COMMD1: variants seen among roughly 807,000 people sequenced by gnomAD.
COMMD1 encodes the protein COMM domain-containing protein 1.
A neutral mutation model predicts 17.2 loss-of-function variants in COMMD1; 10 were observed. That is an observed-to-expected ratio of 0.58 (90% CI 0.36 to 0.99). The LOEUF is 0.99. COMMD1 is among the 50% of genes least tolerant of loss of function. The pLI, the probability that COMMD1 is intolerant of heterozygous loss-of-function variation, is 0.01. For synonymous variants in COMMD1, 97 were observed against 91.6 expected, an observed-to-expected ratio of 1.06 and a Z score of -0.34; for missense variants, 270 against 231.8, an observed-to-expected ratio of 1.17 and a Z score of -1.07.
At chr2:62,012,270 TACACACACACACACACACACACACACAC>T (rs57739132) in intron 2 of COMMD1, among the ~76,000 whole-genome samples, 1 of 129,896 alleles carries the variant, frequency 7.7e-6, no homozygotes, top group African/African-American at 3.0e-5. Flanking sequence ...CACACACACA[TACACACACACACACACACACACACACAC>T]ACACACACAC....
chr2:62,091,425 A>G (rs890603695), intron 2 of COMMD1, among the ~76,000 whole-genome samples: 4 of 152,354 alleles, frequency 2.6e-5, no homozygotes, highest in African/African-American at 9.6e-5. Context: ...ATTTTGGTGT[A>G]TCCACCAGGA....
chr2:62,019,496 G>A (rs572274958), intron 2 of COMMD1, among the ~76,000 whole-genome samples: 3 of 152,086 alleles, frequency 2.0e-5, no homozygotes, highest in South Asian at 4.2e-4. Flanking sequence ...TTTCATAATG[G>A]CATTAATCCA....
chr2:61,943,415 G>A (rs1306744651), intron 1 of COMMD1, among the ~76,000 whole-genome samples: 1 of 152,156 alleles, frequency 6.6e-6, no homozygotes, highest in African/African-American at 2.4e-5. Context: ...TTAAGGTTTA[G>A]TGGAGTGGGT....
chr2:62,116,420 C>G (rs1178113309), intron 2 of COMMD1, among the ~76,000 whole-genome samples: 1 of 152,034 alleles, frequency 6.6e-6, no homozygotes, highest in African/African-American at 2.4e-5. Flanking sequence ...GCTTGTAATC[C>G]CAACACTTTG....
chr2:61,906,615 G>A (rs546029741), intron 1 of COMMD1, among the ~76,000 whole-genome samples: 10 of 127,498 alleles, frequency 7.8e-5, no homozygotes, highest in South Asian at 7.0e-4. Flanking sequence ...TATTTAGACC[G>A]AGAACTAGTT....
chr2:62,010,235 C>G (rs900977580), intron 2 of COMMD1, among the ~76,000 whole-genome samples: 1 of 151,994 alleles, frequency 6.6e-6, no homozygotes, highest in East Asian at 1.9e-4. Context: ...ATTACCTTGT[C>G]TTTGAAATAT....
At chr2:62,056,802 G>A (rs758687590) in intron 2 of COMMD1, among the ~76,000 whole-genome samples, 1 of 152,186 alleles carries the variant, frequency 6.6e-6, no homozygotes, top group Non-Finnish European at 1.5e-5. Flanking sequence ...CAGTGGAATC[G>A]ACTTTGTCCA....
intron 1 of COMMD1, among the ~76,000 whole-genome samples, chr2:61,998,590 A>C (rs564457797): frequency 6.6e-6 from 1 of 152,118 alleles, no homozygotes; most frequent in Non-Finnish European, 1.5e-5. Flanking sequence ...TTGTGTGTGC[A>C]CTGGAGTAGC....
chr2:61,955,504 T>C (rs1671175198), intron 1 of COMMD1, among the ~76,000 whole-genome samples: 1 of 152,202 alleles, frequency 6.6e-6, no homozygotes, highest in Admixed American at 6.5e-5. Context: ...TTTGTCCTTT[T>C]ATTGGTTGTG....
chr2:61,961,453 C>G (rs1014939856), intron 1 of COMMD1, among the ~76,000 whole-genome samples: 1 of 152,178 alleles, frequency 6.6e-6, no homozygotes, highest in Non-Finnish European at 1.5e-5. Flanking sequence ...TGGGGCTTGT[C>G]TAGCTCTGTC....
At position 62,023,755 on chromosome 2, in the gene COMMD1, G is replaced by A. The variant is rs567853479; in HGVS notation, c.462+22773G>A. Among the ~76,000 whole-genome samples the A allele has an allele frequency of 9.2e-5, 14 of 152,310 alleles. No homozygotes were observed. The East Asian group carries it at 2.7e-3, about 29-fold the overall frequency. On this transcript the variant is annotated intron_variant, in intron 2 of 2. Transcript: ENST00000311832. ...CCGCCTTGGCCTCCCAAAGTGCTGGGATTACAGGCATGAGCCACGGCGCTT... is the reference window on the plus strand; with the variant it reads ...CCGCCTTGGCCTCCCAAAGTGCTGGAATTACAGGCATGAGCCACGGCGCTT...
chr2:61,966,754 T>G (rs543854159), intron 1 of COMMD1, among the ~76,000 whole-genome samples: 1 of 152,180 alleles, frequency 6.6e-6, no homozygotes, highest in South Asian at 2.1e-4. Flanking sequence ...ATTGTTAAAT[T>G]GAAAATTGTT....
chr2:62,030,177 C>T lies in COMMD1; in HGVS notation c.462+29195C>T, dbSNP rs139303559. Among the ~76,000 whole-genome samples, 274 of 152,278 alleles carry T rather than the reference C, an allele frequency of 1.8e-3. 2 individuals are homozygous for T. Among genetic ancestry groups the T allele is most frequent in the African/African-American group, 6.4e-3 (268 of 41,552 alleles). ...GCAGGGCTCTCTCTGGGATGGGGGT[C>T]TTATGGCCCACAGTGAAACAAGGTA... On this transcript the variant is annotated intron_variant, in intron 2 of 2. Transcript: ENST00000311832.
chr2:61,905,603 A>C, upstream of COMMD1: 1 of 1,403,130 alleles, frequency 7.1e-7, no homozygotes, highest in East Asian at 2.5e-5. Context: ...GTGGTTTTGC[A>C]CAGGCTATTT....
intron 1 of COMMD1, among the ~76,000 whole-genome samples, chr2:61,965,700 G>A (rs1558540128): frequency 6.6e-6 from 1 of 152,198 alleles, no homozygotes; most frequent in African/African-American, 2.4e-5. Flanking sequence ...GCTGCCAGGG[G>A]TTGAGTTATC....
chr2:62,080,522 C>T (rs557479007), intron 2 of COMMD1, among the ~76,000 whole-genome samples: 1 of 151,934 alleles, frequency 6.6e-6, no homozygotes, highest in East Asian at 1.9e-4. Flanking sequence ...AATTGACTTC[C>T]AGCAGAGAAA....
chr2:62,019,883 A>G (rs1479594191), intron 2 of COMMD1, among the ~76,000 whole-genome samples: 1 of 152,232 alleles, frequency 6.6e-6, no homozygotes, highest in Admixed American at 6.5e-5. Context: ...GATTGGCTCT[A>G]CATTTTGAAG....
At chr2:61,998,795 A>G (rs1558554849) in intron 1 of COMMD1, among the ~76,000 whole-genome samples, 1 of 152,284 alleles carries the variant, frequency 6.6e-6, no homozygotes, top group South Asian at 2.1e-4. Flanking sequence ...TAGTTGGCCT[A>G]ATTTCAATAT....
intron 1 of COMMD1, among the ~76,000 whole-genome samples, chr2:61,979,916 A>C (rs1363062868): frequency 1.8e-5 from 2 of 109,832 alleles, no homozygotes; most frequent in African/African-American, 7.2e-5. Context: ...ACCCCACCAC[A>C]GTCCCCAGAG....
Sources: allele counts gnomAD v4.1 joint callset (sites outside exome capture counted in the v4.1 genomes callset), GRCh38; gene constraint gnomAD v4.1.1; transcripts MANE v1.5; gene names NCBI Gene and HGNC (gene_info 2026-07-23, HGNC 2026-07-21).